DIS3L: variants seen among roughly 807,000 people sequenced by gnomAD.
DIS3L encodes DIS3 like exosome 3'-5' exoribonuclease, also known as DIS3-like exonuclease 1.
A neutral mutation model predicts 120.3 loss-of-function variants in DIS3L; 100 were observed. The observed-to-expected ratio is 0.83, with a 90% CI of 0.71 to 0.98. The LOEUF (loss-of-function observed/expected upper bound fraction) is 0.98, where lower values mean the gene tolerates loss of function less well. Ranked by LOEUF, DIS3L falls within the 50% of genes least tolerant of loss-of-function variation. DIS3L has a pLI of 0.00. For synonymous variants in DIS3L, 426 were observed against 470.6 expected (o/e 0.91, Z 1.23); for missense variants, 1,196 against 1,314.2 (o/e 0.91, Z 1.39).
chr15:66,333,032 G>A lies in DIS3L; in HGVS notation c.2885G>A (p.Cys962Tyr), dbSNP rs758957448. Residue 962 changes from cysteine to tyrosine, a missense_variant, in exon 17 of 17, where the codon TGC becomes TAC. Physicochemically the swap from Cys to Tyr is radical, Grantham distance 194. Transcript: ENST00000319212. ...AGAATATCCATACAGGCCTCACGTTGCCATTCTGATACAATCAGACTTGAA... is the reference window on the plus strand; with the variant it reads ...AGAATATCCATACAGGCCTCACGTTACCATTCTGATACAATCAGACTTGAA... The part of the protein sequence containing the change: ...TVRISIQASR[C>Y]HSDTIRLEII... The A allele has an allele frequency of 5.0e-6, 8 of 1,612,660 alleles. No individual in the cohort carries two copies. In the South Asian group the frequency reaches 8.8e-5, roughly 18 times the overall value.
intron 9 of DIS3L, among the ~76,000 whole-genome samples, chr15:66,321,433 A>G (rs2092882021): frequency 6.6e-6 from 1 of 152,028 alleles, no homozygotes. Flanking sequence ...GCATTTCTTG[A>G]TTTTTGGGCA....
upstream of DIS3L, chr15:66,293,375 G>C: frequency 1.1e-6 from 1 of 874,354 alleles, no homozygotes; most frequent in East Asian, 4.8e-5. Context: ...GGGGTAGGTC[G>C]TTTCCACCCC....
chr15:66,325,032 C>T (rs2092921695), intron 11 of DIS3L, among the ~76,000 whole-genome samples: 3 of 152,120 alleles, frequency 2.0e-5, no homozygotes, highest in Admixed American at 2.0e-4. Flanking sequence ...GTAGGATTTG[C>T]AAGACTTTGC....
chr15:66,325,447 T>C (rs1398090634), intron 11 of DIS3L, among the ~76,000 whole-genome samples: 1 of 152,206 alleles, frequency 6.6e-6, no homozygotes, highest in Admixed American at 6.6e-5. Flanking sequence ...TATGAACTCA[T>C]TTCAAATTTG....
intron 2 of DIS3L, among the ~76,000 whole-genome samples, chr15:66,296,578 G>A (rs1257868849): frequency 6.7e-6 from 1 of 149,766 alleles, no homozygotes; most frequent in African/African-American, 2.5e-5. Flanking sequence ...GTACAGTGGC[G>A]TGATTTCGGC....
intron 2 of DIS3L, among the ~76,000 whole-genome samples, chr15:66,305,322 T>C (rs536035402): frequency 1.3e-5 from 2 of 151,770 alleles, no homozygotes; most frequent in Non-Finnish European, 2.9e-5. Flanking sequence ...TTTCTTGTTT[T>C]CTAATAAAGT....
intron 12 of DIS3L, 36 bp from the exon 13 acceptor site, chr15:66,328,934 C>T: frequency 6.3e-7 from 1 of 1,599,492 alleles, no homozygotes; most frequent in South Asian, 1.1e-5. Context: ...AAATTACTGT[C>T]TGGGACTAGC....
chr15:66,325,164 C>T (rs1357371834), intron 11 of DIS3L, among the ~76,000 whole-genome samples: 1 of 152,146 alleles, frequency 6.6e-6, no homozygotes, highest in Non-Finnish European at 1.5e-5. Flanking sequence ...GAGGCCAAGG[C>T]AGGTGGATTG....
At chr15:66,323,685 C>A in intron 11 of DIS3L, 100 bp downstream of exon 11, 2 of 1,258,086 alleles carry the variant, frequency 1.6e-6, no homozygotes, top group Non-Finnish European at 2.3e-6. Flanking sequence ...CTATGCCCCA[C>A]CCCAGCCCTG....
Position 66,333,115 on chromosome 15 carries a change from C to T in DIS3L, c.2968C>T (p.Pro990Ser). The T allele has an allele frequency of 6.2e-7, 1 of 1,613,386 alleles. No homozygotes were observed. Among genetic ancestry groups the T allele is most frequent in the East Asian group, 2.2e-5 (1 of 44,872 alleles). The change falls in exon 17 of 17, where the codon CCC (proline) becomes TCC (serine). Residue 990 changes from proline (P) to serine (S), a missense_variant. Pro to Ser is a moderately conservative substitution (Grantham distance 74, BLOSUM62 -1). Coordinates refer to ENST00000319212, the MANE Select transcript of DIS3L (RefSeq NM_001143688.3). ...PNTELIHQSS[P>S]LLKSELVKEV... ...TACAGAACTTATTCATCAGAGTTCC[C>T]CCTTGCTGAAGAGTGAGTTAGTGAA... is the stretch of plus-strand genomic sequence containing the variant.
intron 2 of DIS3L, among the ~76,000 whole-genome samples, chr15:66,301,747 G>A (rs376307784): frequency 2.0e-5 from 3 of 152,114 alleles, no homozygotes; most frequent in African/African-American, 7.2e-5. Context: ...ATATGTATGC[G>A]CTATTAAATT....
At chr15:66,305,028 G>A (rs1217989617) in intron 2 of DIS3L, among the ~76,000 whole-genome samples, 1 of 136,216 alleles carries the variant, frequency 7.3e-6, no homozygotes, top group Non-Finnish European at 1.6e-5. Flanking sequence ...TGAGCCGGAG[G>A]TCTTGCTCTG....
At position 66,295,126 on chromosome 15, in the gene DIS3L, A is replaced by G. The variant is rs1321949968; in HGVS notation, c.278A>G (p.His93Arg). Residue 93 changes from histidine (H) to arginine (R), a missense_variant, in exon 2 of 17, where the codon CAT becomes CGT. Transcript: ENST00000319212. ...FMQTACQAVQ[H>R]QRGRRQYNKL... ...CAGACAGCTTGTCAAGCTGTGCAGCATCAAAGAGGCAGGAGGTATACGTTT... is the reference window on the plus strand; with the variant it reads ...CAGACAGCTTGTCAAGCTGTGCAGCGTCAAAGAGGCAGGAGGTATACGTTT... 2 of 1,614,010 alleles carry G rather than the reference A, an allele frequency of 1.2e-6. No individual in the cohort carries two copies. The highest frequency in any genetic ancestry group is 1.7e-6 in the Non-Finnish European group (2 of 1,179,992).
At chr15:66,314,859 G>A in intron 6 of DIS3L, 177 bp from the exon 7 acceptor site, 1 of 590,384 alleles carries the variant, frequency 1.7e-6, no homozygotes, top group Non-Finnish European at 2.9e-6. Flanking sequence ...GTATGACATG[G>A]TGCCAGCAAT....
chr15:66,313,565 C>T (rs1238488401), intron 5 of DIS3L, among the ~76,000 whole-genome samples: 1 of 151,880 alleles, frequency 6.6e-6, no homozygotes, highest in Admixed American at 6.6e-5. Context: ...CCTGTCTCTA[C>T]TAAAAATGCA....
At chr15:66,293,916 G>A in intron 1 of DIS3L, 181 bp downstream of exon 1, 2 of 999,838 alleles carry the variant, frequency 2.0e-6, no homozygotes, top group Non-Finnish European at 2.4e-6. Context: ...CAGCGGCCCG[G>A]GTCCGCGGCT....
chr15:66,293,571 C>G lies in DIS3L; in HGVS notation c.-26C>G. The G allele has an allele frequency of 7.1e-7, 1 of 1,416,362 alleles. No individual in the cohort carries two copies. The highest frequency in any genetic ancestry group is 9.2e-7 in the Non-Finnish European group (1 of 1,084,048). 87.7% of individuals were successfully genotyped at this position (1,416,362 alleles called of 1,614,324 possible). A position where few individuals can be genotyped will look rare whatever the true frequency, so the allele number is the denominator to read the frequency against. Reference sequence around the variant, plus strand: ...CCTTGCCTCCGCCGCGCCCGCCACTCCGCGGCCGCCGGGAGACACGCCGCC... The same window carrying G: ...CCTTGCCTCCGCCGCGCCCGCCACTGCGCGGCCGCCGGGAGACACGCCGCC... On this transcript the variant is annotated 5_prime_UTR_variant, in exon 1 of 17. Coordinates refer to ENST00000319212, the MANE Select transcript of DIS3L (RefSeq NM_001143688.3).
chr15:66,314,786 A>AG (rs1239695162), intron 6 of DIS3L: 1 of 389,728 alleles, frequency 2.6e-6, no homozygotes, highest in Non-Finnish European at 4.7e-6. Flanking sequence ...AAGGTGGTGA[A>AG]GGGGATGGGG....
In DIS3L at chr15:66,311,794, G is replaced by A. The variant is rs781072406; in HGVS notation, c.629G>A (p.Arg210Gln). ...HELCDSILQSRRERENESQES... is the reference protein window; with the variant it reads ...HELCDSILQSQRERENESQES... ...CTTTGTGATTCTATCCTTCAGTCTC[G>A]ACGGGAGAGAGAGAATGAGAGTCAG... The change falls in exon 5 of 17, where the codon CGA (arginine) becomes CAA (glutamine). Residue 210 changes from arginine (R) to glutamine (Q), a missense_variant. By Grantham distance (43) the Arg-to-Gln change is conservative (BLOSUM62 1). Coordinates refer to ENST00000319212, the MANE Select transcript of DIS3L (RefSeq NM_001143688.3). 3.1e-6 allele frequency: 5 copies of A among 1,614,090 alleles called. No individual in the cohort carries two copies. Among genetic ancestry groups the A allele is most frequent in the East Asian group, 2.2e-5 (1 of 44,878 alleles).
Sources: allele counts gnomAD v4.1 joint callset (sites outside exome capture counted in the v4.1 genomes callset), GRCh38; gene constraint gnomAD v4.1.1; transcripts MANE v1.5; gene names NCBI Gene and HGNC (gene_info 2026-07-23, HGNC 2026-07-21).